The following ATF7IP2 variants were observed in gnomAD, a reference collection of about 807,000 sequenced individuals.
ATF7IP2 encodes the protein activating transcription factor 7-interacting protein 2.
ATF7IP2 carries 42 observed loss-of-function variants against 64.2 expected under a neutral mutation model. The ratio of observed to expected loss-of-function variants is 0.65; its 90% CI spans 0.51 to 0.85. The LOEUF (loss-of-function observed/expected upper bound fraction) is 0.85, where lower values mean the gene tolerates loss of function less well. Among genes scored for constraint, ATF7IP2 ranks in the 40% least tolerant of loss-of-function variants. The pLI, the probability that ATF7IP2 is intolerant of heterozygous loss-of-function variation, is 0.00. For missense variants in ATF7IP2, 933 were observed against 784.2 expected (o/e 1.19, Z -2.27); for synonymous variants, 308 against 272.8 (o/e 1.13, Z -1.27).
chr16:10,456,022 C>T (rs1285973274), intron 8 of ATF7IP2, among the ~76,000 whole-genome samples: 1 of 151,594 alleles, frequency 6.6e-6, no homozygotes, highest in East Asian at 1.9e-4. Flanking sequence ...CTCTGTTGCC[C>T]AGGCTGGAGT....
At chr16:10,403,602 C>A (rs1359312394) in intron 1 of ATF7IP2, among the ~76,000 whole-genome samples, 1 of 152,084 alleles carries the variant, frequency 6.6e-6, no homozygotes, top group African/African-American at 2.4e-5. Flanking sequence ...AATTCCTTAG[C>A]AACAGATTCT....
At chr16:10,452,669 G>C (rs534824183) in intron 8 of ATF7IP2, among the ~76,000 whole-genome samples, 1 of 152,318 alleles carries the variant, frequency 6.6e-6, no homozygotes, top group East Asian at 1.9e-4. Flanking sequence ...TCTCTTCAGA[G>C]TCCTGTCCGG....
At chr16:10,467,317 T>G (rs965653044) in intron 9 of ATF7IP2, among the ~76,000 whole-genome samples, 2 of 152,182 alleles carry the variant, frequency 1.3e-5, no homozygotes, top group African/African-American at 4.8e-5. Context: ...TTTCTTATAC[T>G]CTCAAATAGC....
In ATF7IP2 at chr16:10,439,029, C is replaced by G. The variant is rs2048517778; in HGVS notation, c.1095+794C>G. Among the ~76,000 whole-genome samples, 8 of 127,212 alleles carry G rather than the reference C, an allele frequency of 6.3e-5. No homozygotes were observed. In the Admixed American group the frequency reaches 7.4e-4, roughly 12 times the overall value. The allele number at this position is 127,212 out of a possible 152,430, so 83.5% of individuals were successfully genotyped here. Reference sequence around the variant, plus strand: ...GATTGCACCACTGCACTCCAGTCTGCCGACAGCGAGACTCCATCTCAAAAA... The same window carrying G: ...GATTGCACCACTGCACTCCAGTCTGGCGACAGCGAGACTCCATCTCAAAAA... On this transcript the variant is annotated intron_variant, in intron 7 of 13. Coordinates refer to ENST00000562102, the MANE Select transcript of ATF7IP2 (RefSeq NM_001393719.1).
intron 4 of ATF7IP2, among the ~76,000 whole-genome samples, chr16:10,429,787 A>AT (rs1792751291): frequency 7.5e-6 from 1 of 134,174 alleles, no homozygotes; most frequent in African/African-American, 2.8e-5. Context: ...ATTTAATTTA[A>AT]TTTTTATTTT....
Position 10,466,111 on chromosome 16 carries a change from C to G in ATF7IP2, c.1353-5999C>G, listed in dbSNP as rs1383262862. Among the ~76,000 whole-genome samples, 5 of 152,284 alleles carry G rather than the reference C, an allele frequency of 3.3e-5. No individual in the cohort carries two copies. In the East Asian group the frequency reaches 7.7e-4, roughly 23 times the overall value. ...TTGCCTTTATAGAAATGGAATCATACTCAGTGAGCTCTTTTATGTCTTCTT... is the reference window on the plus strand; with the variant it reads ...TTGCCTTTATAGAAATGGAATCATAGTCAGTGAGCTCTTTTATGTCTTCTT... On this transcript the variant is annotated intron_variant, in intron 9 of 13. Coordinates refer to ENST00000562102, the MANE Select transcript of ATF7IP2 (RefSeq NM_001393719.1).
chr16:10,421,234 G>A (rs2047983215), intron 3 of ATF7IP2, among the ~76,000 whole-genome samples: 1 of 152,156 alleles, frequency 6.6e-6, no homozygotes, highest in South Asian at 2.1e-4. Context: ...AAAAGCCACT[G>A]TACAAGATCT....
Position 10,472,094 on chromosome 16 carries a change from C to A in ATF7IP2, c.1353-16C>A, listed in dbSNP as rs546281888. ...CATGTTTAGTTTTTGTTTTTAATTT[C>A]TTTTTATCATTTTAGTAACAATGAT... On this transcript the variant is annotated splice_polypyrimidine_tract_variant and intron_variant, in intron 9 of 13. Coordinates refer to ENST00000562102, the MANE Select transcript of ATF7IP2 (RefSeq NM_001393719.1). The A allele has an allele frequency of 2.2e-5, 32 of 1,459,198 alleles. No homozygotes were observed. The South Asian group carries it at 2.3e-4, about 11-fold the overall frequency. 90.4% of individuals were successfully genotyped at this position (1,459,198 alleles called of 1,614,324 possible).
intron 1 of ATF7IP2, among the ~76,000 whole-genome samples, chr16:10,391,345 C>G (rs1596413199): frequency 1.3e-5 from 2 of 150,856 alleles, no homozygotes; most frequent in East Asian, 3.9e-4. Context: ...CACTTGAACC[C>G]AGGAGGCAGA....
At chr16:10,481,105 C>T in intron 13 of ATF7IP2, 141 bp downstream of exon 13, 1 of 617,646 alleles carries the variant, frequency 1.6e-6, no homozygotes. Context: ...CTTATTTATA[C>T]AATTAAAATT....
At chr16:10,401,286 G>A (rs957717554) in intron 1 of ATF7IP2, among the ~76,000 whole-genome samples, 1 of 151,986 alleles carries the variant, frequency 6.6e-6, no homozygotes, top group African/African-American at 2.4e-5. Flanking sequence ...TCCTGCCCCA[G>A]CATCCCGAGT....
chr16:10,427,789 G>A (rs1297947924), intron 3 of ATF7IP2, among the ~76,000 whole-genome samples: 2 of 151,494 alleles, frequency 1.3e-5, no homozygotes, highest in African/African-American at 2.4e-5. Flanking sequence ...AGCCTGGGAG[G>A]CTGAAGCTGC....
chr16:10,459,450 A>C (rs1051962699), intron 9 of ATF7IP2, among the ~76,000 whole-genome samples: 7 of 151,296 alleles, frequency 4.6e-5, no homozygotes, highest in Non-Finnish European at 1.0e-4. Flanking sequence ...CCTGGGCGAC[A>C]GAGCGAGACT....
chr16:10,464,145 G>C (rs889175889), intron 9 of ATF7IP2, among the ~76,000 whole-genome samples: 1 of 152,174 alleles, frequency 6.6e-6, no homozygotes, highest in African/African-American at 2.4e-5. Context: ...TCTTCAAATA[G>C]ATATTTAGAT....
chr16:10,438,281 G>C (rs773743209), intron 7 of ATF7IP2, 46 bp downstream of exon 7: 1 of 1,552,754 alleles, frequency 6.4e-7, no homozygotes, highest in Admixed American at 2.0e-5. Context: ...AGTAGGGGGT[G>C]TTGTTGCTCT....
intron 1 of ATF7IP2, among the ~76,000 whole-genome samples, chr16:10,392,813 ACT>A (rs1487307723): frequency 4.7e-5 from 7 of 149,464 alleles, no homozygotes; most frequent in African/African-American, 1.5e-4. Context: ...ACATAGTGAG[ACT>A]CTGTCTTTAA....
intron 1 of ATF7IP2, among the ~76,000 whole-genome samples, chr16:10,405,668 C>G (rs1474471957): frequency 6.6e-6 from 1 of 152,192 alleles, no homozygotes; most frequent in Non-Finnish European, 1.5e-5. Context: ...ATATCTTCAT[C>G]AACGTCCTCC....
chr16:10,425,504 A>G (rs923639830), intron 3 of ATF7IP2, among the ~76,000 whole-genome samples: 3 of 152,224 alleles, frequency 2.0e-5, no homozygotes, highest in African/African-American at 7.2e-5. Flanking sequence ...AGGCTTTAAT[A>G]TGGCATGTAT....
intron 1 of ATF7IP2, among the ~76,000 whole-genome samples, chr16:10,397,769 A>G (rs781195227): frequency 6.6e-6 from 1 of 150,572 alleles, no homozygotes; most frequent in Non-Finnish European, 1.5e-5. Context: ...AGGTGAGAAG[A>G]TTGCATGAGC....
Sources: allele counts gnomAD v4.1 joint callset (sites outside exome capture counted in the v4.1 genomes callset), GRCh38; gene constraint gnomAD v4.1.1; transcripts MANE v1.5; gene names NCBI Gene and HGNC (gene_info 2026-07-23, HGNC 2026-07-21).